Variants in ILDR1 observed in about 807,000 individuals in gnomAD.
The protein encoded by ILDR1 is immunoglobulin like domain containing receptor 1.
ILDR1 carries 56 observed loss-of-function variants against 62.4 expected under a neutral mutation model. The observed-to-expected ratio is 0.90, with a 90% CI of 0.72 to 1.12. ILDR1 has a LOEUF of 1.12. Among genes scored for constraint, ILDR1 ranks in the 50% most tolerant of loss-of-function variants. The probability of loss-of-function intolerance (pLI) is 0.00; values close to 1 mark genes in which losing one functional copy is unlikely to be tolerated. For synonymous variants in ILDR1, 284 were observed against 277.8 expected, an observed-to-expected ratio of 1.02 and a Z score of -0.22; for missense variants, 736 against 710.6, an observed-to-expected ratio of 1.04 and a Z score of -0.41.
At chr3:122,014,739 T>G (rs941318802) in intron 1 of ILDR1, among the ~76,000 whole-genome samples, 1 of 152,226 alleles carries the variant, frequency 6.6e-6, no homozygotes, top group Non-Finnish European at 1.5e-5. Flanking sequence ...CCACAACCTA[T>G]TCAAAAGAGG....
At chr3:122,009,324 A>ACACACACACACAC (rs2071667601) in intron 1 of ILDR1, among the ~76,000 whole-genome samples, 8 of 137,902 alleles carry the variant, frequency 5.8e-5, no homozygotes, top group Non-Finnish European at 1.1e-4. Context: ...CTCAATTTAA[A>ACACACACACACAC]ACACACACAC....
At position 121,993,366 on chromosome 3, in the gene ILDR1, T is replaced by G; in HGVS notation, c.1383A>C (p.Arg461Ser). 10 of 1,610,092 alleles carry G rather than the reference T, an allele frequency of 6.2e-6. No homozygotes were observed. Among genetic ancestry groups the G allele is most frequent in the Non-Finnish European group, 8.5e-6 (10 of 1,176,952 alleles). Reference sequence around the variant, plus strand: ...GAGAGTAGCTGCGGTGCCTGCGTCGTCTCCCGTGCCTCTGAGTGCTCTCCC... The same window carrying G: ...GAGAGTAGCTGCGGTGCCTGCGTCGGCTCCCGTGCCTCTGAGTGCTCTCCC... Reference protein sequence around the residue: ...SPRESTQRHGRRRRHRSYSPP... With the variant: ...SPRESTQRHGSRRRHRSYSPP... Residue 461 changes from arginine to serine, a missense_variant, in exon 7 of 8, where the codon AGA becomes AGC. Transcript: ENST00000344209.
At chr3:121,995,599 A>C (rs1012299079) in intron 5 of ILDR1, among the ~76,000 whole-genome samples, 1 of 152,178 alleles carries the variant, frequency 6.6e-6, no homozygotes, top group Non-Finnish European at 1.5e-5. Context: ...ATCAGAGGCA[A>C]ACTTGCAGCA....
the ILDR1 span, among the ~76,000 whole-genome samples, chr3:122,049,606 A>C: frequency 7.9e-5 from 12 of 152,286 alleles, no homozygotes; most frequent in African/African-American, 2.9e-4. Context: ...TGGTGAATTG[A>C]ACCTTTTATC....
the ILDR1 span, among the ~76,000 whole-genome samples, chr3:122,037,484 G>C: frequency 2.0e-5 from 3 of 152,162 alleles, no homozygotes; most frequent in Non-Finnish European, 2.9e-5. Context: ...ACTTTCATGG[G>C]GCCTGTAGCC....
At chr3:122,028,809 G>A in the ILDR1 span, among the ~76,000 whole-genome samples, 6 of 152,196 alleles carry the variant, frequency 3.9e-5, no homozygotes, top group African/African-American at 1.4e-4. Flanking sequence ...AGTGTAAATT[G>A]AGTCAACCAC....
chr3:122,050,157 A>C, the ILDR1 span, among the ~76,000 whole-genome samples: 1 of 152,192 alleles, frequency 6.6e-6, no homozygotes. Flanking sequence ...TGTGTTCTTA[A>C]ATCTAAAGTG....
At chr3:122,057,042 A>T in the ILDR1 span, among the ~76,000 whole-genome samples, 1 of 152,228 alleles carries the variant, frequency 6.6e-6, no homozygotes, top group Non-Finnish European at 1.5e-5. Flanking sequence ...AACAACAGTG[A>T]AGTATCATTT....
chr3:122,037,271 G>A, the ILDR1 span, among the ~76,000 whole-genome samples: 5 of 152,154 alleles, frequency 3.3e-5, no homozygotes, highest in Admixed American at 6.5e-5. Flanking sequence ...AGCTCACACC[G>A]TGTACCTGAA....
chr3:122,047,757 T>C, the ILDR1 span, among the ~76,000 whole-genome samples: 3 of 152,218 alleles, frequency 2.0e-5, no homozygotes, highest in South Asian at 4.1e-4. Flanking sequence ...AGGCAATGCC[T>C]CGCCCTGCTT....
At chr3:122,056,593 A>T in the ILDR1 span, among the ~76,000 whole-genome samples, 1 of 152,150 alleles carries the variant, frequency 6.6e-6, no homozygotes, top group East Asian at 1.9e-4. Flanking sequence ...CGGCCTCCCA[A>T]AGTGCTGGGA....
At chr3:122,040,333 GA>G in the ILDR1 span, among the ~76,000 whole-genome samples, 4 of 151,884 alleles carry the variant, frequency 2.6e-5, no homozygotes, top group African/African-American at 2.4e-5. Context: ...TTCAAGTTGG[GA>G]AATGGGTTTT....
At chr3:122,035,879 G>A in the ILDR1 span, among the ~76,000 whole-genome samples, 1 of 152,364 alleles carries the variant, frequency 6.6e-6, no homozygotes, top group South Asian at 2.1e-4. Context: ...AAATGTGTAA[G>A]TGACTTTGGA....
At chr3:122,029,420 T>C in the ILDR1 span, among the ~76,000 whole-genome samples, 2 of 151,260 alleles carry the variant, frequency 1.3e-5, no homozygotes, top group African/African-American at 4.9e-5. Context: ...GGCAGGAAAA[T>C]CGCTTTAACC....
At chr3:122,045,552 T>G in the ILDR1 span, among the ~76,000 whole-genome samples, 1 of 149,832 alleles carries the variant, frequency 6.7e-6, no homozygotes, top group Admixed American at 6.6e-5. Context: ...TGTGGGAGTC[T>G]AAGTCTCTTT....
At position 121,994,094 on chromosome 3, in the gene ILDR1, C is replaced by T. The variant is rs776286110; in HGVS notation, c.778+88G>A. 6.5e-5 allele frequency: 98 copies of T among 1,503,598 alleles called. No homozygotes were observed. In the African/African-American group the frequency reaches 1.2e-3, roughly 19 times the overall value. 93.1% of individuals were successfully genotyped at this position (1,503,598 alleles called of 1,614,324 possible). A position where few individuals can be genotyped will look rare whatever the true frequency, so the allele number is the denominator to read the frequency against. On this transcript the variant is annotated intron_variant, in intron 6 of 7. Coordinates refer to ENST00000344209, the MANE Select transcript of ILDR1 (RefSeq NM_001199799.2). Reference sequence around the variant, plus strand: ...CCCATCTCCATCATGAAGATGCCTGCCGCATCGGTCACAGAGGTCTTGATG... The same window carrying T: ...CCCATCTCCATCATGAAGATGCCTGTCGCATCGGTCACAGAGGTCTTGATG...
rs139137023 is a variant in ILDR1 at position 121,993,939 on chromosome 3, C to T, written c.810G>A (p.Met270Ile). ...DLSLPSSLPQMPMTQTTNQPP... is the reference protein window; with the variant it reads ...DLSLPSSLPQIPMTQTTNQPP... ...GCTGATTGGTGGTCTGGGTCATTGG[C>T]ATCTGCGGGAGGCTGGACGGCAGGG... Residue 270 changes from methionine (M) to isoleucine (I), a missense_variant, in exon 7 of 8, where the codon ATG becomes ATA. Physicochemically the swap from Met to Ile is conservative, Grantham distance 10 (BLOSUM62 1). Coordinates refer to ENST00000344209, the MANE Select transcript of ILDR1 (RefSeq NM_001199799.2). 3.1e-6 allele frequency: 5 copies of T among 1,612,588 alleles called. No homozygotes were observed. The highest frequency in any genetic ancestry group is 1.3e-5 in the African/African-American group (1 of 74,912).
At chr3:122,042,563 T>C in the ILDR1 span, among the ~76,000 whole-genome samples, 1 of 147,830 alleles carries the variant, frequency 6.8e-6, no homozygotes, top group Non-Finnish European at 1.5e-5. Flanking sequence ...TTTCTCCACA[T>C]CCTCTCCAGC....
the ILDR1 span, among the ~76,000 whole-genome samples, chr3:122,060,236 G>A: frequency 6.6e-6 from 1 of 152,154 alleles, no homozygotes; most frequent in Admixed American, 6.5e-5. Flanking sequence ...CTGCAGAAAG[G>A]CGAAGTAGGA....
Sources: allele counts gnomAD v4.1 joint callset (sites outside exome capture counted in the v4.1 genomes callset), GRCh38; gene constraint gnomAD v4.1.1; transcripts MANE v1.5; gene names NCBI Gene and HGNC (gene_info 2026-07-23, HGNC 2026-07-21).